Variants in ZMYM4 observed in about 807,000 individuals in gnomAD.
ZMYM4 encodes the protein zinc finger MYM-type containing 4.
ZMYM4 carries 31 observed loss-of-function variants against 183.2 expected under a neutral mutation model. That is an observed-to-expected ratio of 0.17 (90% CI 0.13 to 0.23). ZMYM4 has a LOEUF of 0.23. Among genes scored for constraint, ZMYM4 ranks in the 10% least tolerant of loss-of-function variants. The pLI, the probability that ZMYM4 is intolerant of heterozygous loss-of-function variation, is 1.00. For missense variants in ZMYM4, 1,273 were observed against 1,840.3 expected (o/e 0.69, Z 5.64); for synonymous variants, 592 against 631.2 (o/e 0.94, Z 0.93).
intron 11 of ZMYM4, 120 bp downstream of exon 11, chr1:35,386,309 T>A: frequency 1.5e-6 from 1 of 676,704 alleles, no homozygotes; most frequent in South Asian, 2.2e-5. Context: ...AGAGGTTTAA[T>A]TGGCTCACAG....
rs560589762 is a variant in ZMYM4, at chr1:35,350,929, G to A, written c.86-7996G>A. ...CAGATTGCTTATGCCCTTATAGAGG[G>A]GGATATGATAGTCTGTGCGGCATAT... On this transcript the variant is annotated intron_variant, in intron 2 of 29. Transcript: ENST00000314607. 15 of 654,940 alleles carry A rather than the reference G, an allele frequency of 2.3e-5. 1 individual carries two copies. In the South Asian group the frequency reaches 2.5e-4, roughly 11 times the overall value. 40.6% of individuals were successfully genotyped at this position (654,940 alleles called of 1,614,324 possible).
chr1:35,415,668 A>G lies in ZMYM4; in HGVS notation c.4263A>G (p.Thr1421=). 1.2e-6 allele frequency: 2 copies of G among 1,614,094 alleles called. No homozygotes were observed. The highest frequency in any genetic ancestry group is 1.7e-6 in the Non-Finnish European group (2 of 1,180,040). Residue 1421 remains threonine, a synonymous_variant, in exon 28 of 30, where the codon ACA becomes ACG. Transcript: ENST00000314607. ...CTCTGAAGTACAGTACCAAGATGAC[A>G]TATCTGAGGTTCTTCCCACCTTTAC... ...TRTLKYSTKM[T]YLRFFPPLQK...
At chr1:35,357,501 A>G (rs1375955049) in intron 2 of ZMYM4, among the ~76,000 whole-genome samples, 2 of 152,194 alleles carry the variant, frequency 1.3e-5, no homozygotes, top group African/African-American at 4.8e-5. Flanking sequence ...TGTGGACTGA[A>G]TTAGTATACC....
chr1:35,283,968 G>GT (rs1228543363), intron 1 of ZMYM4, among the ~76,000 whole-genome samples: 9 of 146,924 alleles, frequency 6.1e-5, no homozygotes, highest in East Asian at 1.9e-4. Context: ...AAGTTTTTTT[G>GT]TTTTTTTGTT....
intron 2 of ZMYM4, among the ~76,000 whole-genome samples, chr1:35,343,848 A>T (rs1025115587): frequency 6.6e-6 from 1 of 150,780 alleles, no homozygotes; most frequent in Non-Finnish European, 1.5e-5. Flanking sequence ...TGGGCGACAG[A>T]GCGAGACTCT....
intron 1 of ZMYM4, chr1:35,292,156 A>G (rs1444473040): frequency 2.0e-5 from 3 of 152,140 alleles, no homozygotes; most frequent in Non-Finnish European, 4.4e-5. Flanking sequence ...CCTAAGAGAA[A>G]GCATATCTTG....
In ZMYM4 at chr1:35,416,811, G is replaced by A. The variant is rs949694999; in HGVS notation, c.4309+1097G>A. 3.3e-5 allele frequency among the ~76,000 whole-genome samples: 5 copies of A among 152,144 alleles called. No individual in the cohort carries two copies. The East Asian group carries it at 9.7e-4, about 29-fold the overall frequency. On this transcript the variant is annotated intron_variant, in intron 28 of 29. Transcript: ENST00000314607. ...ACTCCTGACCTCAGGTGATCCACCC[G>A]CCTCGGCCTCTCAAAGTGCTGGGAT...
chr1:35,365,016 A>G (rs1296228165), intron 5 of ZMYM4, among the ~76,000 whole-genome samples: 1 of 152,000 alleles, frequency 6.6e-6, no homozygotes, highest in Admixed American at 6.5e-5. Context: ...TCATTTCTTC[A>G]TTCTAATTCT....
chr1:35,299,926 C>T (rs1228695181), intron 1 of ZMYM4, among the ~76,000 whole-genome samples: 1 of 152,004 alleles, frequency 6.6e-6, no homozygotes, highest in Non-Finnish European at 1.5e-5. Context: ...TACAGAGTAG[C>T]TGGGACTACA....
Position 35,420,123 on chromosome 1 carries a change from T to A in ZMYM4, c.*446T>A. Reference sequence around the variant, plus strand: ...GATCAGTACAGAGCTAAGAGTGACATCAAATGAGGACTGTGGGACCCAGAT... The same window carrying A: ...GATCAGTACAGAGCTAAGAGTGACAACAAATGAGGACTGTGGGACCCAGAT... On this transcript the variant is annotated 3_prime_UTR_variant, in exon 30 of 30. Transcript: ENST00000314607. 1 of 165,836 alleles carries A rather than the reference T, an allele frequency of 6.0e-6. No individual in the cohort carries two copies. The highest frequency in any genetic ancestry group is 1.3e-5 in the Non-Finnish European group (1 of 74,750). 10.3% of individuals were successfully genotyped at this position (165,836 alleles called of 1,614,324 possible). A position where few individuals can be genotyped will look rare whatever the true frequency, so the allele number is the denominator to read the frequency against.
Position 35,420,916 on chromosome 1 carries a change from G to A in ZMYM4, c.*1239G>A, listed in dbSNP as rs2149055248. ...ATTATTCCAAACTCTAGCTGTTTCAGTAGTTCTATGAGGATTGCAAGTCAT... is the reference window on the plus strand; with the variant it reads ...ATTATTCCAAACTCTAGCTGTTTCAATAGTTCTATGAGGATTGCAAGTCAT... On this transcript the variant is annotated 3_prime_UTR_variant, in exon 30 of 30. Coordinates refer to ENST00000314607, the MANE Select transcript of ZMYM4 (RefSeq NM_005095.3). 6.6e-6 allele frequency: 1 copy of A among 152,572 alleles called. No homozygotes were observed. The highest frequency in any genetic ancestry group is 6.5e-5 in the Admixed American group (1 of 15,292). 9.5% of individuals were successfully genotyped at this position (152,572 alleles called of 1,614,324 possible). A position where few individuals can be genotyped will look rare whatever the true frequency, so the allele number is the denominator to read the frequency against.
chr1:35,289,564 TTGG>T (rs1221378145), intron 1 of ZMYM4, among the ~76,000 whole-genome samples: 4 of 152,150 alleles, frequency 2.6e-5, no homozygotes, highest in African/African-American at 9.7e-5. Flanking sequence ...GATTTAAAAA[TTGG>T]TGATTACTTA....
chr1:35,392,429 G>A, intron 16 of ZMYM4, 77 bp downstream of exon 16: 2 of 1,525,910 alleles, frequency 1.3e-6, no homozygotes, highest in South Asian at 2.5e-5. Flanking sequence ...TTTCATCAGG[G>A]ATTATTTTCA....
intron 1 of ZMYM4, among the ~76,000 whole-genome samples, chr1:35,303,012 C>T (rs1641359749): frequency 6.6e-6 from 1 of 150,400 alleles, no homozygotes; most frequent in Admixed American, 6.6e-5. Context: ...ATAGTGACCA[C>T]GCCTATATTC....
intron 2 of ZMYM4, among the ~76,000 whole-genome samples, chr1:35,329,136 A>C (rs1005201462): frequency 2.0e-5 from 3 of 152,270 alleles, no homozygotes; most frequent in Admixed American, 2.0e-4. Flanking sequence ...TTGTGAAGAC[A>C]TTGAGAAATC....
intron 1 of ZMYM4, among the ~76,000 whole-genome samples, chr1:35,274,539 G>A (rs1158271768): frequency 1.3e-5 from 2 of 150,994 alleles, no homozygotes; most frequent in East Asian, 3.9e-4. Flanking sequence ...CTAGGATTTC[G>A]AGATTGCATT....
In ZMYM4 at chr1:35,419,752, G is replaced by T. The variant is rs1640262374; in HGVS notation, c.*75G>T. Reference sequence around the variant, plus strand: ...TGAATGCATCCAGCTGTTGGAAAATGATGTATAAGTCTAAGTCCTCTTGAC... The same window carrying T: ...TGAATGCATCCAGCTGTTGGAAAATTATGTATAAGTCTAAGTCCTCTTGAC... On this transcript the variant is annotated 3_prime_UTR_variant, in exon 30 of 30. Coordinates refer to ENST00000314607, the MANE Select transcript of ZMYM4 (RefSeq NM_005095.3). The T allele has an allele frequency of 1.2e-5, 17 of 1,462,512 alleles. No individual in the cohort carries two copies. Among genetic ancestry groups the T allele is most frequent in the Non-Finnish European group, 1.5e-5 (16 of 1,057,900 alleles). The allele number at this position is 1,462,512 out of a possible 1,614,324, so 90.6% of individuals were successfully genotyped here. A position where few individuals can be genotyped will look rare whatever the true frequency, so the allele number is the denominator to read the frequency against.
chr1:35,329,828 A>G (rs755030190), intron 2 of ZMYM4, among the ~76,000 whole-genome samples: 4 of 152,194 alleles, frequency 2.6e-5, no homozygotes, highest in African/African-American at 4.8e-5. Context: ...TGCTAGGATT[A>G]CCAGCATGAG....
intron 5 of ZMYM4, among the ~76,000 whole-genome samples, chr1:35,363,199 C>CT (rs1643985828): frequency 6.6e-6 from 1 of 152,084 alleles, no homozygotes; most frequent in Non-Finnish European, 1.5e-5. Flanking sequence ...AAGCTTGTCT[C>CT]TAACTTCTGT....
Sources: gnomAD v4.1 joint callset for allele counts (sites outside exome capture counted in the v4.1 genomes callset) on GRCh38, gnomAD v4.1.1 for gene constraint, MANE v1.5 for transcripts, NCBI Gene and HGNC (gene_info 2026-07-23, HGNC 2026-07-21) for gene names.